Variants in CNTNAP2 observed in about 807,000 individuals in gnomAD.
CNTNAP2 encodes contactin associated protein 2, also known as contactin-associated protein-like 2.
In CNTNAP2, 98 loss-of-function variants were observed where a neutral mutation model predicts 155.2. The observed-to-expected ratio is 0.63, with a 90% CI of 0.54 to 0.75. CNTNAP2 has a LOEUF of 0.75. CNTNAP2 is among the 30% of genes least tolerant of loss of function. The probability of loss-of-function intolerance (pLI) is 0.00; values close to 1 mark genes in which losing one functional copy is unlikely to be tolerated. For missense variants in CNTNAP2, 1,727 were observed against 1,688.1 expected, an observed-to-expected ratio of 1.02 and a Z score of -0.40; for synonymous variants, 651 against 631.2, an observed-to-expected ratio of 1.03 and a Z score of -0.47.
intron 8 of CNTNAP2, among the ~76,000 whole-genome samples, chr7:147,168,517 G>A (rs1220593849): frequency 1.3e-5 from 2 of 151,918 alleles, no homozygotes; most frequent in African/African-American, 2.4e-5. Flanking sequence ...TCTGATAAAG[G>A]TTAGGTTTGA....
At chr7:147,464,196 G>A (rs1446840953) in intron 10 of CNTNAP2, among the ~76,000 whole-genome samples, 3 of 151,990 alleles carry the variant, frequency 2.0e-5, no homozygotes, top group Non-Finnish European at 4.4e-5. Flanking sequence ...GGCAGGGTGT[G>A]GTGGCTCACA....
chr7:148,248,842 A>G (rs1796319593), intron 20 of CNTNAP2, among the ~76,000 whole-genome samples: 1 of 152,210 alleles, frequency 6.6e-6, no homozygotes, highest in African/African-American at 2.4e-5. Context: ...GGAAGACAGC[A>G]GAATTCCAGT....
At chr7:146,737,882 C>A (rs1801648194) in intron 1 of CNTNAP2, among the ~76,000 whole-genome samples, 1 of 151,996 alleles carries the variant, frequency 6.6e-6, no homozygotes, top group African/African-American at 2.4e-5. Context: ...GATAGATATA[C>A]AAACACACAT....
intron 8 of CNTNAP2, among the ~76,000 whole-genome samples, chr7:147,185,335 C>T (rs955856753): frequency 4.6e-5 from 7 of 152,022 alleles, no homozygotes; most frequent in African/African-American, 1.7e-4. Flanking sequence ...TAAAGTTGAG[C>T]TTGCACGTAA....
At chr7:147,045,433 G>A (rs2129255899) in intron 4 of CNTNAP2, among the ~76,000 whole-genome samples, 1 of 152,186 alleles carries the variant, frequency 6.6e-6, no homozygotes, top group South Asian at 2.1e-4. Context: ...TTAATTCATA[G>A]GCAATAGTGT....
rs150382076 is a variant in CNTNAP2 at position 147,522,009 on chromosome 7, G to T, written c.1777+35968G>T. 2.2e-4 allele frequency among the ~76,000 whole-genome samples: 33 copies of T among 152,338 alleles called. No homozygotes were observed. In the East Asian group the frequency reaches 6.4e-3, roughly 29 times the overall value. On this transcript the variant is annotated intron_variant, in intron 11 of 23. Transcript: ENST00000361727. ...TTCTGACAGTTCTAGAAGCTGGGAA[G>T]TCCAAGATCAAGGTGCTGGCAGATT... is the stretch of plus-strand genomic sequence containing the variant.
At chr7:147,974,580 G>A (rs548768502) in intron 14 of CNTNAP2, among the ~76,000 whole-genome samples, 16 of 152,212 alleles carry the variant, frequency 1.1e-4, no homozygotes, top group Non-Finnish European at 2.1e-4. Flanking sequence ...AGTCGAGATC[G>A]TGCCATTGCA....
chr7:146,745,122 T>C (rs1028225341), intron 1 of CNTNAP2, among the ~76,000 whole-genome samples: 1 of 152,152 alleles, frequency 6.6e-6, no homozygotes, highest in Non-Finnish European at 1.5e-5. Context: ...AATCATCCCA[T>C]CATGGTTTTA....
intron 1 of CNTNAP2, among the ~76,000 whole-genome samples, chr7:146,426,822 T>C (rs1796100361): frequency 6.6e-6 from 1 of 151,842 alleles, no homozygotes; most frequent in South Asian, 2.1e-4. Flanking sequence ...TACTTGAAAA[T>C]TGATAAAAGA....
chr7:148,218,525 G>A (rs1241748298), intron 19 of CNTNAP2, among the ~76,000 whole-genome samples: 8 of 151,912 alleles, frequency 5.3e-5, no homozygotes, highest in African/African-American at 1.2e-4. Flanking sequence ...CCAAGTAGCC[G>A]GGATCACAGG....
intron 9 of CNTNAP2, among the ~76,000 whole-genome samples, chr7:147,373,149 A>G (rs1796376694): frequency 6.6e-6 from 1 of 152,094 alleles, no homozygotes; most frequent in Admixed American, 6.6e-5. Context: ...GGAATAGTCA[A>G]ATAGCCTGAA....
At chr7:146,359,604 T>C (rs1363668778) in intron 1 of CNTNAP2, among the ~76,000 whole-genome samples, 1 of 152,224 alleles carries the variant, frequency 6.6e-6, no homozygotes, top group African/African-American at 2.4e-5. Context: ...ATGGTAGAGT[T>C]GTAGGAAAAC....
chr7:146,781,488 T>C (rs1290130996), intron 2 of CNTNAP2, among the ~76,000 whole-genome samples: 4 of 152,146 alleles, frequency 2.6e-5, no homozygotes, highest in Non-Finnish European at 5.9e-5. Flanking sequence ...CACTGTAGGC[T>C]GGTGTCATTT....
At chr7:148,413,227 A>C (rs893344646) in intron 23 of CNTNAP2, among the ~76,000 whole-genome samples, 1 of 150,822 alleles carries the variant, frequency 6.6e-6, no homozygotes, top group Admixed American at 6.6e-5. Context: ...CCCCGTCTCT[A>C]CTAAAAATAT....
intron 10 of CNTNAP2, among the ~76,000 whole-genome samples, chr7:147,422,198 G>A (rs1797304864): frequency 6.9e-6 from 1 of 145,506 alleles, no homozygotes; most frequent in Admixed American, 6.9e-5. Flanking sequence ...TATATAGTAT[G>A]TATATATACA....
chr7:147,055,529 C>T (rs1236423713), intron 4 of CNTNAP2, among the ~76,000 whole-genome samples: 2 of 152,236 alleles, frequency 1.3e-5, no homozygotes, highest in Non-Finnish European at 2.9e-5. Context: ...ATGGGTATGA[C>T]GGAACACCTG....
At chr7:147,506,208 C>T (rs1303881095) in intron 11 of CNTNAP2, among the ~76,000 whole-genome samples, 1 of 152,120 alleles carries the variant, frequency 6.6e-6, no homozygotes, top group East Asian at 1.9e-4. Context: ...CCATCGTTGG[C>T]CAAAGGCTCG....
intron 14 of CNTNAP2, among the ~76,000 whole-genome samples, chr7:147,909,710 A>G (rs551110428): frequency 1.3e-4 from 20 of 152,332 alleles, no homozygotes; most frequent in African/African-American, 4.3e-4. Context: ...GCCTGACTCA[A>G]TGAGCTAAAT....
chr7:147,318,506 T>C (rs2116814342), intron 9 of CNTNAP2, among the ~76,000 whole-genome samples: 1 of 152,106 alleles, frequency 6.6e-6, no homozygotes, highest in African/African-American at 2.4e-5. Context: ...TATGCAGCCA[T>C]AAGAAAGAAT....
Sources: gnomAD v4.1 joint callset for allele counts (sites outside exome capture counted in the v4.1 genomes callset) on GRCh38, gnomAD v4.1.1 for gene constraint, MANE v1.5 for transcripts, NCBI Gene and HGNC (gene_info 2026-07-23, HGNC 2026-07-21) for gene names.